GTF2F2: variants seen among roughly 807,000 people sequenced by gnomAD.
GTF2F2 encodes ATP-dependent helicase GTF2F2.
GTF2F2 carries 23 observed loss-of-function variants against 42.2 expected under a neutral mutation model. The ratio of observed to expected loss-of-function variants is 0.55; its 90% CI spans 0.39 to 0.77. GTF2F2 has a LOEUF of 0.77. GTF2F2 is among the 30% of genes least tolerant of loss of function. GTF2F2 has a pLI of 0.00. For missense variants in GTF2F2, 261 were observed against 287.2 expected, an observed-to-expected ratio of 0.91 and a Z score of 0.66; for synonymous variants, 105 against 100.8, an observed-to-expected ratio of 1.04 and a Z score of -0.25.
chr13:45,246,562 A>G (rs1366717085), intron 5 of GTF2F2, among the ~76,000 whole-genome samples: 4 of 152,158 alleles, frequency 2.6e-5, no homozygotes, highest in Non-Finnish European at 5.9e-5. Context: ...AGTGATGTCC[A>G]TTTTTGCCCC....
intron 1 of GTF2F2, among the ~76,000 whole-genome samples, chr13:45,133,820 G>A (rs1049139244): frequency 9.9e-5 from 15 of 152,204 alleles, no homozygotes; most frequent in African/African-American, 3.6e-4. Flanking sequence ...CCTTTTTAAA[G>A]TGTGTATAAA....
chr13:45,168,424 G>A (rs1015489875), intron 4 of GTF2F2, among the ~76,000 whole-genome samples: 1 of 152,210 alleles, frequency 6.6e-6, no homozygotes, highest in Non-Finnish European at 1.5e-5. Context: ...TCTGCCAGGA[G>A]TTGTTAGTTG....
chr13:45,156,894 T>C (rs982493055), intron 4 of GTF2F2, among the ~76,000 whole-genome samples: 4 of 152,234 alleles, frequency 2.6e-5, no homozygotes, highest in African/African-American at 7.2e-5. Context: ...GCCTGGTTTT[T>C]TCAGGCCCCC....
intron 6 of GTF2F2, among the ~76,000 whole-genome samples, chr13:45,266,762 G>A (rs1876576889): frequency 6.6e-6 from 1 of 152,170 alleles, no homozygotes; most frequent in South Asian, 2.1e-4. Flanking sequence ...AAGATACGGG[G>A]ACCCCAGGAG....
intron 5 of GTF2F2, among the ~76,000 whole-genome samples, chr13:45,247,675 C>A (rs973488364): frequency 6.6e-6 from 1 of 152,074 alleles, no homozygotes; most frequent in Non-Finnish European, 1.5e-5. Flanking sequence ...AGGCATGAGC[C>A]ACTGTGCCCG....
intron 5 of GTF2F2, among the ~76,000 whole-genome samples, chr13:45,214,070 G>C (rs1456348966): frequency 6.7e-6 from 1 of 150,256 alleles, no homozygotes; most frequent in Admixed American, 6.6e-5. Context: ...TTATATTTTA[G>C]TAACTAGCAG....
intron 4 of GTF2F2, among the ~76,000 whole-genome samples, chr13:45,179,620 T>C (rs1387703359): frequency 1.3e-5 from 2 of 152,240 alleles, no homozygotes; most frequent in African/African-American, 2.4e-5. Context: ...ATGTCCCTCA[T>C]GCCTTGGGAG....
Position 45,259,979 on chromosome 13 carries a change from AT to A in GTF2F2, c.486+7020del, listed in dbSNP as rs374425379. Among the ~76,000 whole-genome samples, 782 of 145,912 alleles carry A rather than the reference AT, an allele frequency of 5.4e-3. 10 individuals are homozygous for A. Among genetic ancestry groups the A allele is most frequent in the African/African-American group, 0.018 (731 of 40,008 alleles). On this transcript the variant is annotated intron_variant, in intron 6 of 7. Coordinates refer to ENST00000340473, the MANE Select transcript of GTF2F2 (RefSeq NM_004128.3). ...TGAAAAAATAAGTTTTCTCTCTCTC[AT>A]TTTTTTTTTTCTTATTTCTGGTAAA...
At chr13:45,175,684 A>G (rs1228856115) in intron 4 of GTF2F2, among the ~76,000 whole-genome samples, 1 of 152,090 alleles carries the variant, frequency 6.6e-6, no homozygotes, top group Non-Finnish European at 1.5e-5. Context: ...GTGCAATGGC[A>G]CTATCTCGGC....
chr13:45,199,258 T>C (rs575800272), intron 4 of GTF2F2, among the ~76,000 whole-genome samples: 2 of 152,348 alleles, frequency 1.3e-5, no homozygotes, highest in Admixed American at 1.3e-4. Flanking sequence ...GGTAAATGTT[T>C]TAGCTTCATT....
In GTF2F2 at chr13:45,120,560, A is replaced by T. The variant is rs1032303380; in HGVS notation, c.-96A>T. ...AAGGAACGCCGGCTCTTCGCCTCTCAGCGCGGCTTGTCCTTTGTTCCGGAC... is the reference window on the plus strand; with the variant it reads ...AAGGAACGCCGGCTCTTCGCCTCTCTGCGCGGCTTGTCCTTTGTTCCGGAC... On this transcript the variant is annotated 5_prime_UTR_variant, in exon 1 of 8. Coordinates refer to ENST00000340473, the MANE Select transcript of GTF2F2 (RefSeq NM_004128.3). 1.2e-6 allele frequency: 1 copy of T among 849,540 alleles called. No individual in the cohort carries two copies. Among genetic ancestry groups the T allele is most frequent in the African/African-American group, 1.7e-5 (1 of 58,782 alleles). The allele number at this position is 849,540 out of a possible 1,614,324, so 52.6% of individuals were successfully genotyped here. A position where few individuals can be genotyped will look rare whatever the true frequency, so the allele number is the denominator to read the frequency against.
intron 5 of GTF2F2, among the ~76,000 whole-genome samples, chr13:45,251,887 G>A: frequency 6.6e-6 from 1 of 152,156 alleles, no homozygotes; most frequent in East Asian, 1.9e-4. Context: ...AAAAGGTACA[G>A]TGATAACTTT....
chr13:45,256,052 A>G (rs1230536897), intron 6 of GTF2F2, among the ~76,000 whole-genome samples: 1 of 152,208 alleles, frequency 6.6e-6, no homozygotes, highest in Non-Finnish European at 1.5e-5. Flanking sequence ...ATTGGAAACA[A>G]GTGTCCCAAA....
At chr13:45,212,499 C>CTTTCT (rs1873717321) in intron 5 of GTF2F2, among the ~76,000 whole-genome samples, 5 of 102,330 alleles carry the variant, frequency 4.9e-5, no homozygotes, top group Non-Finnish European at 6.5e-5. Context: ...TTCTTTCTTT[C>CTTTCT]TTTCTTTCTT....
At chr13:45,153,209 G>A (rs1870583867) in intron 4 of GTF2F2, among the ~76,000 whole-genome samples, 1 of 150,576 alleles carries the variant, frequency 6.6e-6, no homozygotes, top group Admixed American at 6.6e-5. Context: ...TAGTAGAGAC[G>A]GGGTTTCACC....
At chr13:45,261,568 GAT>G (rs1876346141) in intron 6 of GTF2F2, among the ~76,000 whole-genome samples, 2 of 152,074 alleles carry the variant, frequency 1.3e-5, no homozygotes, top group African/African-American at 2.4e-5. Flanking sequence ...GTTGCGCAGT[GAT>G]CTGTGATCAT....
chr13:45,221,365 G>C (rs1210827894), intron 5 of GTF2F2, among the ~76,000 whole-genome samples: 1 of 152,150 alleles, frequency 6.6e-6, no homozygotes, highest in Non-Finnish European at 1.5e-5. Context: ...GTTCAGGACT[G>C]ACTATATAAT....
At chr13:45,166,490 T>C (rs945981395) in intron 4 of GTF2F2, among the ~76,000 whole-genome samples, 3 of 152,228 alleles carry the variant, frequency 2.0e-5, no homozygotes, top group African/African-American at 4.8e-5. Flanking sequence ...GGAATAGTAC[T>C]GAGGTACTGA....
At chr13:45,233,668 C>T (rs1874801738) in intron 5 of GTF2F2, among the ~76,000 whole-genome samples, 1 of 152,164 alleles carries the variant, frequency 6.6e-6, no homozygotes, top group South Asian at 2.1e-4. Flanking sequence ...AATCCCAGCA[C>T]TTTGGGAGGC....
Sources: allele counts gnomAD v4.1 joint callset (sites outside exome capture counted in the v4.1 genomes callset), GRCh38; gene constraint gnomAD v4.1.1; transcripts MANE v1.5; gene names NCBI Gene and HGNC (gene_info 2026-07-23, HGNC 2026-07-21).